EPHB1: variants seen among roughly 807,000 people sequenced by gnomAD.
The protein encoded by EPHB1 is EPH receptor B1.
Under a neutral mutation model 94.4 loss-of-function variants are expected in EPHB1, and 30 were observed. That is an observed-to-expected ratio of 0.32 (90% CI 0.24 to 0.43). The LOEUF (loss-of-function observed/expected upper bound fraction) is 0.43, where lower values mean the gene tolerates loss of function less well. EPHB1 is among the 20% of genes least tolerant of loss of function. EPHB1 has a pLI of 1.00. For synonymous variants in EPHB1, 522 were observed against 489.1 expected (o/e 1.07, Z -0.89); for missense variants, 1,055 against 1,308.3 (o/e 0.81, Z 2.99).
At chr3:135,228,190 T>C (rs1943444183) in intron 12 of EPHB1, among the ~76,000 whole-genome samples, 1 of 152,198 alleles carries the variant, frequency 6.6e-6, no homozygotes, top group Admixed American at 6.5e-5. Flanking sequence ...ATCATGTTCA[T>C]TTAATATCTT....
intron 3 of EPHB1, among the ~76,000 whole-genome samples, chr3:134,962,605 T>C (rs6781640): frequency 0.5 from 75,535 of 151,974 alleles, 19,674 homozygotes; most frequent in African/African-American, 0.64. Flanking sequence ...TCTGTCTCCT[T>C]CTGCCCCTGG....
intron 12 of EPHB1, among the ~76,000 whole-genome samples, chr3:135,225,451 G>A (rs188708491): frequency 1.3e-5 from 2 of 152,304 alleles, no homozygotes; most frequent in African/African-American, 4.8e-5. Flanking sequence ...CCATCAAAAT[G>A]AGTAAGTTCT....
intron 4 of EPHB1, among the ~76,000 whole-genome samples, chr3:135,120,684 A>C (rs915092604): frequency 6.6e-6 from 1 of 152,186 alleles, no homozygotes; most frequent in African/African-American, 2.4e-5. Flanking sequence ...CTTAGGAACG[A>C]GGGCCTTTTC....
intron 1 of EPHB1, among the ~76,000 whole-genome samples, chr3:134,836,851 T>C (rs1014355637): frequency 1.3e-5 from 2 of 152,240 alleles, no homozygotes; most frequent in African/African-American, 4.8e-5. Context: ...CCCCTGCTTT[T>C]TTAATTCCCT....
chr3:134,956,620 G>A (rs1306518353), intron 3 of EPHB1, among the ~76,000 whole-genome samples: 1 of 152,118 alleles, frequency 6.6e-6, no homozygotes. Flanking sequence ...AAAGATAGGG[G>A]CTGGTTTTAG....
At chr3:135,239,956 G>T (rs1309469286) in intron 12 of EPHB1, among the ~76,000 whole-genome samples, 4 of 152,110 alleles carry the variant, frequency 2.6e-5, no homozygotes, top group Non-Finnish European at 5.9e-5. Context: ...AGAGAGGTAG[G>T]TTACTTGCCC....
chr3:134,983,399 C>T (rs1934481872), intron 3 of EPHB1, among the ~76,000 whole-genome samples: 1 of 152,264 alleles, frequency 6.6e-6, no homozygotes, highest in Non-Finnish European at 1.5e-5. Context: ...TGACTAATTA[C>T]AGGTGTAAAA....
At chr3:135,230,884 A>T (rs1943517439) in intron 12 of EPHB1, among the ~76,000 whole-genome samples, 1 of 152,222 alleles carries the variant, frequency 6.6e-6, no homozygotes, top group Non-Finnish European at 1.5e-5. Flanking sequence ...TCATGTTACC[A>T]CAAAGGACAT....
chr3:135,030,770 C>G (rs1396296647), intron 3 of EPHB1, among the ~76,000 whole-genome samples: 1 of 152,244 alleles, frequency 6.6e-6, no homozygotes, highest in African/African-American at 2.4e-5. Context: ...AGCTTCCCTG[C>G]TGCTTTGTTT....
At chr3:135,132,628 T>G in intron 4 of EPHB1, 86 bp from the exon 5 acceptor site, 1 of 1,246,034 alleles carries the variant, frequency 8.0e-7, no homozygotes, top group Non-Finnish European at 1.1e-6. Flanking sequence ...CTGATGAGGT[T>G]GGGAATGCAC....
At chr3:135,243,074 C>CAAAAA (rs397933477) in intron 13 of EPHB1, among the ~76,000 whole-genome samples, 80 of 97,542 alleles carry the variant, frequency 8.2e-4, no homozygotes, top group East Asian at 1.3e-3. Flanking sequence ...GACCCTGTCT[C>CAAAAA]AAAAAAAAAA....
At chr3:134,980,281 T>C (rs915660651) in intron 3 of EPHB1, among the ~76,000 whole-genome samples, 2 of 152,102 alleles carry the variant, frequency 1.3e-5, no homozygotes, top group Non-Finnish European at 2.9e-5. Context: ...CTCGGTGCAA[T>C]TGGATTTCTT....
intron 3 of EPHB1, among the ~76,000 whole-genome samples, chr3:135,017,286 G>A (rs1559796282): frequency 6.6e-6 from 1 of 152,040 alleles, no homozygotes; most frequent in South Asian, 2.1e-4. Flanking sequence ...AATGTAACGT[G>A]AAAGAAAGGG....
chr3:134,992,614 A>G (rs372324995), intron 3 of EPHB1, among the ~76,000 whole-genome samples: 20 of 152,288 alleles, frequency 1.3e-4, no homozygotes, highest in African/African-American at 4.3e-4. Context: ...TTTGGCTTCC[A>G]AGGTAAATGG....
chr3:134,925,504 C>T (rs576040095), intron 1 of EPHB1, among the ~76,000 whole-genome samples: 8 of 152,270 alleles, frequency 5.3e-5, no homozygotes, highest in Admixed American at 2.0e-4. Flanking sequence ...TGGGTCTTGG[C>T]GGTAAAGTAG....
chr3:134,901,966 T>C (rs755085626), intron 1 of EPHB1, among the ~76,000 whole-genome samples: 22 of 152,232 alleles, frequency 1.4e-4, no homozygotes, highest in Admixed American at 2.0e-4. Context: ...TTGTTATTTG[T>C]GATGCTGATG....
At chr3:134,797,426 T>C (rs1042480249) in intron 1 of EPHB1, among the ~76,000 whole-genome samples, 1 of 152,186 alleles carries the variant, frequency 6.6e-6, no homozygotes, top group African/African-American at 2.4e-5. Flanking sequence ...ACTTGCAGCA[T>C]TGGGGTGGCG....
chr3:134,799,171 A>G (rs1443329564), intron 1 of EPHB1, among the ~76,000 whole-genome samples: 1 of 152,254 alleles, frequency 6.6e-6, no homozygotes. Flanking sequence ...ATTTCACTGT[A>G]CACATTTTGG....
At chr3:134,952,254 G>A (rs915689535) in intron 3 of EPHB1, among the ~76,000 whole-genome samples, 6 of 152,120 alleles carry the variant, frequency 3.9e-5, no homozygotes, top group African/African-American at 1.2e-4. Flanking sequence ...ATTATTCATG[G>A]TGAGAGAAAG....
Sources: gnomAD v4.1 joint callset for allele counts (sites outside exome capture counted in the v4.1 genomes callset) on GRCh38, gnomAD v4.1.1 for gene constraint, MANE v1.5 for transcripts, NCBI Gene and HGNC (gene_info 2026-07-23, HGNC 2026-07-21) for gene names.